ANO6: variants seen among roughly 807,000 people sequenced by gnomAD.
ANO6 encodes anoctamin 6, also known as anoctamin-6.
In ANO6, 106 loss-of-function variants were observed where a neutral mutation model predicts 117.5. The ratio of observed to expected loss-of-function variants is 0.90; its 90% CI spans 0.77 to 1.06. The LOEUF is 1.06. ANO6 is among the 50% of genes least tolerant of loss of function. The pLI, the probability that ANO6 is intolerant of heterozygous loss-of-function variation, is 0.00. For synonymous variants in ANO6, 367 were observed against 385.1 expected (o/e 0.95, Z 0.55); for missense variants, 955 against 1,121.1 (o/e 0.85, Z 2.12).
At chr12:45,421,314 TA>T in intron 18 of ANO6, 41 bp downstream of exon 18, 1 of 1,582,346 alleles carries the variant, frequency 6.3e-7, no homozygotes, top group Non-Finnish European at 8.7e-7. Flanking sequence ...ACTTCATCTT[TA>T]AAAGGGTTTT....
chr12:45,324,410 T>A (rs1940393213), intron 2 of ANO6, among the ~76,000 whole-genome samples: 1 of 152,214 alleles, frequency 6.6e-6, no homozygotes, highest in South Asian at 2.1e-4. Context: ...GTCACAATCC[T>A]TTGCTTTGCT....
chr12:45,348,638 TA>T lies in ANO6; in HGVS notation c.747+11del. ...AGCTTTCCCACTCCATGATGTAAGT[TA>T]AAAGGCAAAAATGAACTAAAAGGCC... On this transcript the variant is annotated splice_region_variant and intron_variant, in intron 6 of 19. Transcript: ENST00000320560. 6.2e-7 allele frequency: 1 copy of T among 1,607,114 alleles called. No homozygotes were observed. The highest frequency in any genetic ancestry group is 8.5e-7 in the Non-Finnish European group (1 of 1,173,736).
intron 1 of ANO6, among the ~76,000 whole-genome samples, chr12:45,250,885 C>T (rs1483946010): frequency 2.6e-5 from 4 of 151,870 alleles, no homozygotes; most frequent in African/African-American, 4.8e-5. Flanking sequence ...TGTCACCACA[C>T]CTGGCCCTGG....
chr12:45,317,034 C>T (rs1360381904), intron 2 of ANO6, among the ~76,000 whole-genome samples: 1 of 142,796 alleles, frequency 7.0e-6, no homozygotes, highest in Non-Finnish European at 1.5e-5. Flanking sequence ...AGAATGTCTT[C>T]TAAAACAGTA....
At chr12:45,259,068 C>T (rs1937935332) in intron 1 of ANO6, among the ~76,000 whole-genome samples, 1 of 152,114 alleles carries the variant, frequency 6.6e-6, no homozygotes, top group Non-Finnish European at 1.5e-5. Context: ...AGAGGTGATG[C>T]TTGAACTGCA....
At chr12:45,345,936 AC>A (rs939019578) in intron 3 of ANO6, among the ~76,000 whole-genome samples, 14 of 137,956 alleles carry the variant, frequency 1.0e-4, no homozygotes, top group African/African-American at 3.7e-4. Flanking sequence ...TTGCAGTGTC[AC>A]CCCCACGGTG....
chr12:45,242,890 CTAGAA>C (rs373191613), intron 1 of ANO6, among the ~76,000 whole-genome samples: 51 of 152,142 alleles, frequency 3.4e-4, no homozygotes, highest in African/African-American at 1.2e-3. Context: ...TAATCTGCAA[CTAGAA>C]TAGAAAAGTA....
intron 1 of ANO6, among the ~76,000 whole-genome samples, chr12:45,266,842 GTA>G (rs1555162950): frequency 5.2e-5 from 7 of 134,552 alleles, no homozygotes; most frequent in East Asian, 2.1e-4. Context: ...GTGTGTGTGT[GTA>G]TAATATGGCT....
intron 2 of ANO6, among the ~76,000 whole-genome samples, chr12:45,321,503 C>T (rs764507285): frequency 2.6e-5 from 4 of 152,024 alleles, no homozygotes; most frequent in Non-Finnish European, 5.9e-5. Flanking sequence ...TCAGTCTCAA[C>T]AGAAAAGTCA....
At chr12:45,377,074 C>CA (rs762981832) in intron 9 of ANO6, among the ~76,000 whole-genome samples, 2 of 151,308 alleles carry the variant, frequency 1.3e-5, no homozygotes, top group African/African-American at 4.8e-5. Context: ...AAGAGCAACC[C>CA]AAAAAATCAC....
intron 3 of ANO6, among the ~76,000 whole-genome samples, chr12:45,332,844 T>G (rs560958173): frequency 6.6e-6 from 1 of 152,208 alleles, no homozygotes; most frequent in South Asian, 2.1e-4. Context: ...TTTACCACTT[T>G]GGCCTCAAAG....
In ANO6 at chr12:45,244,585, T is replaced by C. The variant is rs567780647; in HGVS notation, c.70+28194T>C. Among the ~76,000 whole-genome samples, 12 of 152,270 alleles carry C rather than the reference T, an allele frequency of 7.9e-5. No homozygotes were observed. In the East Asian group the frequency reaches 2.3e-3, roughly 29 times the overall value. On this transcript the variant is annotated intron_variant, in intron 1 of 19. Transcript: ENST00000320560. Reference sequence around the variant, plus strand: ...ATCCAAAAGGGGACTGGATTGTCAGTTCTGTAAAACTGGGATAATTATGGT... The same window carrying C: ...ATCCAAAAGGGGACTGGATTGTCAGCTCTGTAAAACTGGGATAATTATGGT...
chr12:45,265,355 T>C (rs2137221261), intron 1 of ANO6, among the ~76,000 whole-genome samples: 1 of 152,268 alleles, frequency 6.6e-6, no homozygotes, highest in East Asian at 1.9e-4. Context: ...CCATTCTGTG[T>C]AAGGGACTTG....
intron 2 of ANO6, among the ~76,000 whole-genome samples, chr12:45,321,968 G>A (rs1395214461): frequency 2.6e-5 from 4 of 152,088 alleles, no homozygotes; most frequent in African/African-American, 9.6e-5. Flanking sequence ...TTTTTTCACT[G>A]TGAGCATGTG....
chr12:45,366,337 A>G (rs145559336), intron 8 of ANO6, among the ~76,000 whole-genome samples: 1 of 151,282 alleles, frequency 6.6e-6, no homozygotes, highest in Admixed American at 6.6e-5. Context: ...AATTCTCCTT[A>G]CTCTGAGGTT....
At chr12:45,411,844 C>A (rs1220770832) in intron 16 of ANO6, among the ~76,000 whole-genome samples, 1 of 152,206 alleles carries the variant, frequency 6.6e-6, no homozygotes, top group East Asian at 1.9e-4. Context: ...TGGTGGTATA[C>A]GCTCTGTGCC....
At position 45,348,534 on chromosome 12, in the gene ANO6, C is replaced by T; in HGVS notation, c.650C>T (p.Ser217Phe). The T allele has an allele frequency of 1.2e-6, 2 of 1,613,798 alleles. No individual in the cohort carries two copies. The highest frequency in any genetic ancestry group is 1.7e-6 in the Non-Finnish European group (2 of 1,179,770). The change falls in exon 6 of 20, where the codon TCT becomes TTT. Residue 217 changes from serine (S) to phenylalanine (F), a missense_variant. Ser to Phe is a radical substitution (Grantham distance 155). Coordinates refer to ENST00000320560, the MANE Select transcript of ANO6 (RefSeq NM_001025356.3). ...TRSRIVYFIL[S>F]RVKYQVINNV... is the part of the protein sequence containing the mutation. Reference sequence around the variant, plus strand: ...TCTTTTTAGGTTTACTTCATCCTCTCTCGGGTCAAGTATCAAGTGATAAAC... The same window carrying T: ...TCTTTTTAGGTTTACTTCATCCTCTTTCGGGTCAAGTATCAAGTGATAAAC...
intron 19 of ANO6, among the ~76,000 whole-genome samples, chr12:45,437,545 TACAA>T (rs1231283047): frequency 5.9e-5 from 9 of 152,134 alleles, no homozygotes; most frequent in African/African-American, 2.2e-4. Context: ...ATATGATTCA[TACAA>T]ACAAAGGTTT....
At chr12:45,406,150 C>G (rs1361206750) in intron 15 of ANO6, among the ~76,000 whole-genome samples, 1 of 152,226 alleles carries the variant, frequency 6.6e-6, no homozygotes, top group Non-Finnish European at 1.5e-5. Flanking sequence ...ATATCTGGCT[C>G]AGGGATCCAG....
Sources: allele counts gnomAD v4.1 joint callset (sites outside exome capture counted in the v4.1 genomes callset), GRCh38; gene constraint gnomAD v4.1.1; transcripts MANE v1.5; gene names NCBI Gene and HGNC (gene_info 2026-07-23, HGNC 2026-07-21).